The following SLC41A2 variants were observed in gnomAD, a reference collection of about 807,000 sequenced individuals.
The protein encoded by SLC41A2 is SLC41A1-like 1.
SLC41A2 carries 32 observed loss-of-function variants against 58.3 expected under a neutral mutation model. The observed-to-expected ratio is 0.55, with a 90% CI of 0.41 to 0.74. SLC41A2 has a LOEUF of 0.74. Ranked by LOEUF, SLC41A2 falls within the 30% of genes least tolerant of loss-of-function variation. SLC41A2 has a pLI of 0.00. For synonymous variants in SLC41A2, 190 were observed against 235.0 expected, an observed-to-expected ratio of 0.81 and a Z score of 1.75; for missense variants, 514 against 680.6, an observed-to-expected ratio of 0.76 and a Z score of 2.72.
chr12:104,845,591 A>G (rs145800166), intron 9 of SLC41A2, among the ~76,000 whole-genome samples: 2 of 152,308 alleles, frequency 1.3e-5, no homozygotes, highest in East Asian at 3.9e-4. Context: ...TGTCTTTCAC[A>G]AAATAAGGTT....
At chr12:104,820,090 C>T (rs10778353) in intron 10 of SLC41A2, among the ~76,000 whole-genome samples, 13,217 of 152,270 alleles carry the variant, frequency 0.087, 636 homozygotes, top group South Asian at 0.11. Flanking sequence ...GTCCTCCCAC[C>T]CTGCCAAGGT....
At chr12:104,811,479 G>A (rs546621244) in intron 10 of SLC41A2, among the ~76,000 whole-genome samples, 4 of 152,264 alleles carry the variant, frequency 2.6e-5, no homozygotes, top group African/African-American at 9.6e-5. Context: ...ATAATAAATA[G>A]TTTAGTATAA....
At chr12:104,956,981 C>T (rs2048192537) in intron 1 of SLC41A2, among the ~76,000 whole-genome samples, 1 of 152,198 alleles carries the variant, frequency 6.6e-6, no homozygotes, top group Non-Finnish European at 1.5e-5. Flanking sequence ...AATGGTACAG[C>T]TGCTTTGCTT....
At chr12:104,861,557 T>C (rs533496492) in intron 7 of SLC41A2, among the ~76,000 whole-genome samples, 187 bp from the exon 8 acceptor site, 1 of 152,302 alleles carries the variant, frequency 6.6e-6, no homozygotes, top group Admixed American at 6.5e-5. Context: ...AAACACGGCA[T>C]AAGCTCTAGC....
In SLC41A2 at chr12:104,889,357, C is replaced by T. The variant is rs115682701; in HGVS notation, c.736-180G>A. Among the ~76,000 whole-genome samples, 1,028 of 152,236 alleles carry T rather than the reference C, an allele frequency of 6.8e-3. 9 individuals carry two copies. Among genetic ancestry groups the T allele is most frequent in the African/African-American group, 0.024 (983 of 41,538 alleles). On this transcript the variant is annotated intron_variant, in intron 4 of 10. Coordinates refer to ENST00000258538, the MANE Select transcript of SLC41A2 (RefSeq NM_001352171.3). Reference sequence around the variant, plus strand: ...TTAATATTCCCTAAGATGGTGGGTTCTCAAACTGCTCTGATGATCTGGTGA... The same window carrying T: ...TTAATATTCCCTAAGATGGTGGGTTTTCAAACTGCTCTGATGATCTGGTGA...
At position 104,803,274 on chromosome 12, in the gene SLC41A2, T is replaced by A. The variant is rs1288722548; in HGVS notation, c.*1878A>T. On this transcript the variant is annotated 3_prime_UTR_variant, in exon 11 of 11. Coordinates refer to ENST00000258538, the MANE Select transcript of SLC41A2 (RefSeq NM_001352171.3). ...CATGGATTTTTTTAAGTAAAAAATC[T>A]TTGCAGCTAAATATTCATCAACTTA... 6.6e-6 allele frequency: 1 copy of A among 152,170 alleles called. No individual in the cohort carries two copies. Among genetic ancestry groups the A allele is most frequent in the Non-Finnish European group, 1.5e-5 (1 of 68,014 alleles). 9.4% of individuals were successfully genotyped at this position (152,170 alleles called of 1,614,324 possible).
intron 3 of SLC41A2, among the ~76,000 whole-genome samples, chr12:104,903,583 G>A (rs1023067914): frequency 4.6e-5 from 7 of 152,208 alleles, no homozygotes; most frequent in Non-Finnish European, 8.8e-5. Context: ...AGTTGCTGAT[G>A]CTGCTGATCA....
intron 10 of SLC41A2, among the ~76,000 whole-genome samples, chr12:104,821,555 C>T (rs929948750): frequency 4.6e-5 from 7 of 152,112 alleles, no homozygotes; most frequent in African/African-American, 9.7e-5. Context: ...ATGAATAATA[C>T]TTACATATAT....
intron 1 of SLC41A2, among the ~76,000 whole-genome samples, chr12:104,943,241 C>G (rs117142267): frequency 0.03 from 4,490 of 152,118 alleles, 87 homozygotes; most frequent in Non-Finnish European, 0.047. Flanking sequence ...ACAAAATTAT[C>G]TTTTTAAGAA....
intron 3 of SLC41A2, among the ~76,000 whole-genome samples, chr12:104,908,256 C>T (rs1470783054): frequency 6.6e-6 from 1 of 152,004 alleles, no homozygotes; most frequent in East Asian, 1.9e-4. Flanking sequence ...CAACAAGATT[C>T]CGTCTCAAAA....
intron 1 of SLC41A2, among the ~76,000 whole-genome samples, chr12:104,934,852 T>A (rs1275008413): frequency 6.6e-6 from 1 of 152,076 alleles, no homozygotes; most frequent in East Asian, 1.9e-4. Context: ...AGTAGACAGG[T>A]GGTTACAATG....
intron 1 of SLC41A2, among the ~76,000 whole-genome samples, chr12:104,947,350 C>T (rs139220937): frequency 4.6e-5 from 7 of 151,194 alleles, no homozygotes; most frequent in Non-Finnish European, 4.4e-5. Flanking sequence ...ACTACAGGTG[C>T]GCACCACCAT....
intron 2 of SLC41A2, among the ~76,000 whole-genome samples, chr12:104,922,220 T>G (rs916621867): frequency 6.6e-6 from 1 of 152,150 alleles, no homozygotes; most frequent in Admixed American, 6.5e-5. Flanking sequence ...TGAAAAGGCA[T>G]AGAGTGGCTA....
chr12:104,838,200 A>G (rs1339151575), intron 10 of SLC41A2, among the ~76,000 whole-genome samples: 1 of 152,194 alleles, frequency 6.6e-6, no homozygotes, highest in African/African-American at 2.4e-5. Context: ...TGCTCCAAGC[A>G]TGTTCTACTG....
rs781129809 is a variant in SLC41A2 at position 104,866,534 on chromosome 12, G to A, written c.1073C>T (p.Ala358Val). The A allele has an allele frequency of 2.0e-5, 32 of 1,607,348 alleles. No individual in the cohort carries two copies. The South Asian group carries it at 2.4e-4, about 12-fold the overall frequency. The change falls in exon 7 of 11, where the codon GCT becomes GTT. Residue 358 changes from alanine (A) to valine (V), a missense_variant. Physicochemically the swap from Ala to Val is moderately conservative, Grantham distance 64. Coordinates refer to ENST00000258538, the MANE Select transcript of SLC41A2 (RefSeq NM_001352171.3). Reference protein sequence around the residue: ...ISPLVGVFFLALTPIWIIIAA... With the variant: ...ISPLVGVFFLVLTPIWIIIAA... ...TATTATAATCCAAATAGGGGTTAGA[G>A]CCAAGAAAAATACACCAACTAATGG...
At chr12:104,839,358 TAAAAC>T (rs2042324040) in intron 10 of SLC41A2, among the ~76,000 whole-genome samples, 1 of 152,056 alleles carries the variant, frequency 6.6e-6, no homozygotes, top group African/African-American at 2.4e-5. Flanking sequence ...CCGTTAACAG[TAAAAC>T]AAAAGGGGTT....
chr12:104,886,197 A>C, intron 6 of SLC41A2, 96 bp downstream of exon 6: 1 of 1,340,406 alleles, frequency 7.5e-7, no homozygotes, highest in Non-Finnish European at 1.0e-6. Context: ...GTTCTAATGC[A>C]AATGAAGGCT....
chr12:104,916,190 T>C (rs543944887), intron 2 of SLC41A2, among the ~76,000 whole-genome samples: 327 of 152,332 alleles, frequency 2.1e-3, no homozygotes, highest in African/African-American at 7.6e-3. Flanking sequence ...TATTGAGGAT[T>C]TTTGCATCAA....
At chr12:104,921,437 G>C (rs1378660603) in intron 2 of SLC41A2, among the ~76,000 whole-genome samples, 1 of 151,478 alleles carries the variant, frequency 6.6e-6, no homozygotes, top group Non-Finnish European at 1.5e-5. Context: ...AGACTTTTCA[G>C]CAGAAACCAT....
Sources: allele counts gnomAD v4.1 joint callset (sites outside exome capture counted in the v4.1 genomes callset), GRCh38; gene constraint gnomAD v4.1.1; transcripts MANE v1.5; gene names NCBI Gene and HGNC (gene_info 2026-07-23, HGNC 2026-07-21).